Variants in MGAT4A observed in about 807,000 individuals in gnomAD.
MGAT4A encodes N-acetylglucosaminyltransferase IVa.
Under a neutral mutation model 74.1 loss-of-function variants are expected in MGAT4A, and 33 were observed. That is an observed-to-expected ratio of 0.45 (90% CI 0.34 to 0.60). The LOEUF is 0.60. Ranked by LOEUF, MGAT4A falls within the 20% of genes least tolerant of loss-of-function variation. The pLI, the probability that MGAT4A is intolerant of heterozygous loss-of-function variation, is 0.02. For synonymous variants in MGAT4A, 198 were observed against 210.4 expected (o/e 0.94, Z 0.51); for missense variants, 479 against 628.3 (o/e 0.76, Z 2.54).
At chr2:98,685,343 G>A (rs1381924953) in intron 2 of MGAT4A, among the ~76,000 whole-genome samples, 1 of 151,884 alleles carries the variant, frequency 6.6e-6, no homozygotes, top group African/African-American at 2.4e-5. Context: ...GAATGAGGAA[G>A]GTTTTTAGTA....
At chr2:98,636,370 T>TCG in intron 13 of MGAT4A, 147 bp downstream of exon 13, 1 of 611,134 alleles carries the variant, frequency 1.6e-6, no homozygotes, top group African/African-American at 1.9e-5. Flanking sequence ...ATAAAAGTGC[T>TCG]TCATATTTCA....
In MGAT4A at chr2:98,699,961, A is replaced by G. The variant is rs1702328371; in HGVS notation, c.95-21490T>C. Among the ~76,000 whole-genome samples, 3 of 152,214 alleles carry G rather than the reference A, an allele frequency of 2.0e-5. 1 individual carries two copies. The South Asian group carries it at 6.2e-4, about 32-fold the overall frequency. ...TTGCCTGAGTCACGATGTTTCTTAT[A>G]GGATACGTGACCCGTCCTTGCCTTT... is the stretch of plus-strand genomic sequence containing the variant. On this transcript the variant is annotated intron_variant, in intron 2 of 15. Transcript: ENST00000393487.
At chr2:98,643,464 C>T (rs1035296438) in intron 10 of MGAT4A, among the ~76,000 whole-genome samples, 1 of 152,172 alleles carries the variant, frequency 6.6e-6, no homozygotes, top group Non-Finnish European at 1.5e-5. Flanking sequence ...TTTTGTAACA[C>T]GCTGAAAGGT....
In MGAT4A at chr2:98,640,366, T is replaced by C. The variant is rs1338666272; in HGVS notation, c.1021-138A>G. 3 of 683,412 alleles carry C rather than the reference T, an allele frequency of 4.4e-6. No homozygotes were observed. In the African/African-American group the frequency reaches 5.5e-5, roughly 12 times the overall value. The allele number at this position is 683,412 out of a possible 1,614,324, so 42.3% of individuals were successfully genotyped here. On this transcript the variant is annotated intron_variant, in intron 10 of 15. Transcript: ENST00000393487. ...GGGTCATGCCTATAATCCCAGCATG[T>C]TGAAAGGCCAAGGCAGGTGGATCAC...
intron 1 of MGAT4A, among the ~76,000 whole-genome samples, chr2:98,728,626 TA>T (rs1462096060): frequency 6.6e-5 from 10 of 151,772 alleles, no homozygotes; most frequent in African/African-American, 2.4e-4. Context: ...CAGGTGCCTG[TA>T]ATCCCAGCTT....
intron 14 of MGAT4A, among the ~76,000 whole-genome samples, chr2:98,630,828 C>T (rs1445397766): frequency 6.6e-6 from 1 of 152,124 alleles, no homozygotes. Context: ...TTAAGACTAC[C>T]CTTTTAAATT....
chr2:98,639,417 T>C (rs968812995), intron 12 of MGAT4A, among the ~76,000 whole-genome samples: 8 of 152,146 alleles, frequency 5.3e-5, no homozygotes. Context: ...CTAAGAATAG[T>C]CATACTCTGT....
chr2:98,690,194 C>T (rs1702176224), intron 2 of MGAT4A, among the ~76,000 whole-genome samples: 2 of 152,126 alleles, frequency 1.3e-5, no homozygotes, highest in South Asian at 4.1e-4. Context: ...CACCCTTGCC[C>T]AACTGTTACT....
rs538835698 is a variant in MGAT4A at position 98,621,721 on chromosome 2, G to A, written c.*3845C>T. 1.0e-5 allele frequency: 13 copies of A among 1,272,788 alleles called. No homozygotes were observed. In the East Asian group the frequency reaches 1.3e-4, roughly 13 times the overall value. 78.8% of individuals were successfully genotyped at this position (1,272,788 alleles called of 1,614,324 possible). A position where few individuals can be genotyped will look rare whatever the true frequency, so the allele number is the denominator to read the frequency against. On this transcript the variant is annotated 3_prime_UTR_variant, in exon 16 of 16. Coordinates refer to ENST00000393487, the MANE Select transcript of MGAT4A (RefSeq NM_012214.3). ...ATTCACTAGAATAATCTCTCCAAACGTGCTGTTTCCACATAACCAGTCTTT... is the reference window on the plus strand; with the variant it reads ...ATTCACTAGAATAATCTCTCCAAACATGCTGTTTCCACATAACCAGTCTTT...
At chr2:98,682,956 C>T (rs1399219644) in intron 2 of MGAT4A, among the ~76,000 whole-genome samples, 2 of 151,932 alleles carry the variant, frequency 1.3e-5, no homozygotes, top group Non-Finnish European at 2.9e-5. Flanking sequence ...GGCGTGGTGG[C>T]GGGCGCCTGT....
At chr2:98,669,388 C>T (rs1701880634) in intron 4 of MGAT4A, among the ~76,000 whole-genome samples, 1 of 152,156 alleles carries the variant, frequency 6.6e-6, no homozygotes, top group Non-Finnish European at 1.5e-5. Flanking sequence ...TAAGATGTGA[C>T]TTGCTCCTCC....
intron 2 of MGAT4A, among the ~76,000 whole-genome samples, chr2:98,698,260 C>T (rs1702303393): frequency 6.6e-6 from 1 of 151,962 alleles, no homozygotes; most frequent in South Asian, 2.1e-4. Context: ...ACTAAAAATA[C>T]AGAAATTAGC....
chr2:98,655,077 G>T (rs1282733293), intron 8 of MGAT4A, among the ~76,000 whole-genome samples: 4 of 152,128 alleles, frequency 2.6e-5, no homozygotes, highest in Non-Finnish European at 4.4e-5. Flanking sequence ...TTAGTTCATT[G>T]TAAGACCACT....
intron 1 of MGAT4A, among the ~76,000 whole-genome samples, chr2:98,730,017 T>C (rs886140959): frequency 3.3e-5 from 5 of 152,258 alleles, no homozygotes; most frequent in African/African-American, 9.6e-5. Context: ...CAAGATAACC[T>C]GTTCATCAAA....
chr2:98,688,672 A>G (rs1437487076), intron 2 of MGAT4A, among the ~76,000 whole-genome samples: 2 of 152,198 alleles, frequency 1.3e-5, no homozygotes, highest in African/African-American at 4.8e-5. Context: ...CTACAGCCAC[A>G]AGGAAATGAC....
At chr2:98,635,905 T>C (rs1192813410) in intron 13 of MGAT4A, among the ~76,000 whole-genome samples, 1 of 150,280 alleles carries the variant, frequency 6.7e-6, no homozygotes, top group African/African-American at 2.4e-5. Context: ...GGAGAATCAC[T>C]TGAACCTGGG....
At chr2:98,657,125 C>CTGA (rs754314563) in intron 6 of MGAT4A, among the ~76,000 whole-genome samples, 1 of 152,200 alleles carries the variant, frequency 6.6e-6, no homozygotes, top group Non-Finnish European at 1.5e-5. Flanking sequence ...GTCCATTGGG[C>CTGA]TGAGGTTAAG....
chr2:98,656,326 G>A lies in MGAT4A; in HGVS notation c.698+26C>T, dbSNP rs771544639. 5.8e-6 allele frequency: 8 copies of A among 1,390,874 alleles called. No homozygotes were observed. The South Asian group carries it at 9.6e-5, about 17-fold the overall frequency. The allele number at this position is 1,390,874 out of a possible 1,614,324, so 86.2% of individuals were successfully genotyped here. On this transcript the variant is annotated intron_variant, in intron 7 of 15. Coordinates refer to ENST00000393487, the MANE Select transcript of MGAT4A (RefSeq NM_012214.3). Reference sequence around the variant, plus strand: ...TTAAATATTTACACTCACAAGTGTGGAGGATTTTAAACGGCACATGCTCAC... The same window carrying A: ...TTAAATATTTACACTCACAAGTGTGAAGGATTTTAAACGGCACATGCTCAC...
intron 14 of MGAT4A, among the ~76,000 whole-genome samples, chr2:98,633,647 C>T (rs1481546446): frequency 6.6e-6 from 1 of 152,152 alleles, no homozygotes; most frequent in Non-Finnish European, 1.5e-5. Flanking sequence ...TACACAAGGT[C>T]CTAGGCTGAT....
Sources: gnomAD v4.1 joint callset for allele counts (sites outside exome capture counted in the v4.1 genomes callset) on GRCh38, gnomAD v4.1.1 for gene constraint, MANE v1.5 for transcripts, NCBI Gene and HGNC (gene_info 2026-07-23, HGNC 2026-07-21) for gene names.